The following GATB variants were observed in gnomAD, a reference collection of about 807,000 sequenced individuals.
The protein encoded by GATB is glutamyl-tRNA(Gln) amidotransferase subunit B, mitochondrial.
Under a neutral mutation model 62.3 loss-of-function variants are expected in GATB, and 39 were observed. That is an observed-to-expected ratio of 0.63 (90% confidence interval 0.48 to 0.82). The LOEUF is 0.82. Among genes scored for constraint, GATB ranks in the 40% least tolerant of loss-of-function variants. The pLI is 0.00. For synonymous variants in GATB, 276 were observed against 258.9 expected (o/e 1.07, Z -0.63); for missense variants, 670 against 684.0 (o/e 0.98, Z 0.23).
intron 2 of GATB, among the ~76,000 whole-genome samples, chr4:151,743,082 T>C (rs1358289419): frequency 6.6e-6 from 1 of 152,206 alleles, no homozygotes; most frequent in East Asian, 1.9e-4. Context: ...GAGTGAATAT[T>C]ATAAAGAAAA....
chr4:151,695,886 T>TAC (rs1394074571), intron 9 of GATB, among the ~76,000 whole-genome samples: 15 of 151,630 alleles, frequency 9.9e-5, no homozygotes, highest in African/African-American at 3.4e-4. Context: ...GCCTCCCGAG[T>TAC]AGCTGGGACT....
At chr4:151,708,141 G>C in intron 5 of GATB, 40 bp from the exon 6 acceptor site, 1 of 1,358,866 alleles carries the variant, frequency 7.4e-7, no homozygotes. Flanking sequence ...GAAATTCTTT[G>C]AGGTGACATA....
chr4:151,673,017 C>T, intron 11 of GATB, 121 bp from the exon 12 acceptor site: 1 of 1,236,148 alleles, frequency 8.1e-7, no homozygotes, highest in African/African-American at 1.5e-5. Flanking sequence ...TAAGTCCCCA[C>T]TGCCTGGGCC....
At chr4:151,715,348 G>T (rs1244605396) in intron 5 of GATB, among the ~76,000 whole-genome samples, 1 of 152,222 alleles carries the variant, frequency 6.6e-6, no homozygotes, top group East Asian at 1.9e-4. Context: ...GGAGAGCAAA[G>T]CAGTACCAGA....
At chr4:151,673,976 CAA>C (rs1389835919) in intron 11 of GATB, 1 of 152,244 alleles carries the variant, frequency 6.6e-6, no homozygotes, top group Non-Finnish European at 1.5e-5. Flanking sequence ...CAGCAGGGCT[CAA>C]AGTCTTCCCC....
chr4:151,746,873 A>C (rs563613870), intron 2 of GATB, among the ~76,000 whole-genome samples: 1 of 152,302 alleles, frequency 6.6e-6, no homozygotes, highest in East Asian at 1.9e-4. Context: ...ATATATACAT[A>C]TAAATTTACA....
intron 9 of GATB, among the ~76,000 whole-genome samples, chr4:151,694,605 G>T (rs1738432266): frequency 6.6e-6 from 1 of 152,170 alleles, no homozygotes; most frequent in Non-Finnish European, 1.5e-5. Context: ...AAATTGCACG[G>T]AGCTGAAATA....
chr4:151,708,571 C>T (rs1738760446), intron 5 of GATB, among the ~76,000 whole-genome samples: 1 of 152,178 alleles, frequency 6.6e-6, no homozygotes, highest in Non-Finnish European at 1.5e-5. Flanking sequence ...AACAGTGATT[C>T]CAGGAGATTT....
intron 2 of GATB, among the ~76,000 whole-genome samples, chr4:151,745,658 C>T (rs1397641143): frequency 1.3e-5 from 2 of 152,228 alleles, no homozygotes; most frequent in Non-Finnish European, 1.5e-5. Context: ...AGAGGGCAGG[C>T]ATCACATCAT....
At chr4:151,713,327 C>T (rs780932515) in intron 5 of GATB, among the ~76,000 whole-genome samples, 1 of 152,142 alleles carries the variant, frequency 6.6e-6, no homozygotes, top group Admixed American at 6.5e-5. Context: ...CGCCTTCGGC[C>T]CCCCAAGTCC....
intron 7 of GATB, among the ~76,000 whole-genome samples, chr4:151,704,279 C>T (rs1738666321): frequency 6.6e-6 from 1 of 152,158 alleles, no homozygotes; most frequent in Non-Finnish European, 1.5e-5. Flanking sequence ...CCGCCTCTAG[C>T]TTCAGCTGGG....
chr4:151,681,552 C>T (rs1738137939), intron 10 of GATB, among the ~76,000 whole-genome samples: 1 of 152,188 alleles, frequency 6.6e-6, no homozygotes. Flanking sequence ...GGCCCATTAT[C>T]TTAGAATGCA....
chr4:151,751,687 T>C (rs1578942440), intron 2 of GATB, among the ~76,000 whole-genome samples: 1 of 152,346 alleles, frequency 6.6e-6, no homozygotes, highest in East Asian at 1.9e-4. Flanking sequence ...TTTACATGTT[T>C]CTCTCCTAAG....
Position 151,688,623 on chromosome 4 carries a change from C to G in GATB, c.1331+7G>C, listed in dbSNP as rs1254999544. On this transcript the variant is annotated splice_region_variant and intron_variant, in intron 10 of 12. Coordinates refer to ENST00000263985, the MANE Select transcript of GATB (RefSeq NM_004564.3). ...AAAGGAAGAAAGAAATCCCAGACCT[C>G]ACTCACCTCTCACTGACAGCGAGGT... is the stretch of plus-strand genomic sequence containing the variant. The G allele has an allele frequency of 2.5e-6, 4 of 1,599,358 alleles. No homozygotes were observed. In the East Asian group the frequency reaches 8.9e-5, roughly 36 times the overall value.
chr4:151,734,214 G>C (rs190656589), intron 2 of GATB, among the ~76,000 whole-genome samples: 1 of 152,156 alleles, frequency 6.6e-6, no homozygotes, highest in Admixed American at 6.5e-5. Context: ...TCTCCAGAAA[G>C]CTCCTAGAAC....
intron 10 of GATB, among the ~76,000 whole-genome samples, chr4:151,683,495 G>C (rs1320108021): frequency 6.6e-6 from 1 of 152,112 alleles, no homozygotes; most frequent in Admixed American, 6.5e-5. Flanking sequence ...TGGGTCCTCT[G>C]ACTTGACCCC....
Position 151,708,128 on chromosome 4 carries a change from T to C in GATB, c.764-27A>G, listed in dbSNP as rs530896328. ...TGGAAGGAGAGAAGAAAACAACTCC[T>C]TAGAAATTCTTTGAGGTGACATAGT... On this transcript the variant is annotated intron_variant, in intron 5 of 12. Transcript: ENST00000263985. The C allele has an allele frequency of 8.9e-6, 13 of 1,468,606 alleles. 1 individual carries two copies. In the South Asian group the frequency reaches 1.5e-4, roughly 17 times the overall value. 91.0% of individuals were successfully genotyped at this position (1,468,606 alleles called of 1,614,324 possible).
At chr4:151,674,520 A>G (rs995151118) in intron 11 of GATB, 5 of 152,366 alleles carry the variant, frequency 3.3e-5, no homozygotes, top group Admixed American at 1.3e-4. Context: ...AAAAGAGATC[A>G]CCGGAATTCC....
chr4:151,741,045 G>A (rs1037179048), intron 2 of GATB, among the ~76,000 whole-genome samples: 2 of 152,080 alleles, frequency 1.3e-5, no homozygotes, highest in African/African-American at 2.4e-5. Flanking sequence ...GTACAGGAGT[G>A]CCCCCTTATC....
Sources: allele counts gnomAD v4.1 joint callset (sites outside exome capture counted in the v4.1 genomes callset), GRCh38; gene constraint gnomAD v4.1.1; transcripts MANE v1.5; gene names NCBI Gene and HGNC (gene_info 2026-07-23, HGNC 2026-07-21).